UIMC1: variants seen among roughly 807,000 people sequenced by gnomAD.
UIMC1 encodes BRCA1-A complex subunit RAP80.
A neutral mutation model predicts 84.9 loss-of-function variants in UIMC1; 42 were observed. That is an observed-to-expected ratio of 0.49 (90% CI 0.39 to 0.64). The LOEUF (loss-of-function observed/expected upper bound fraction) is 0.64. UIMC1 is among the 30% of genes least tolerant of loss of function. The pLI, the probability that UIMC1 is intolerant of heterozygous loss-of-function variation, is 0.00. For missense variants in UIMC1, 825 were observed against 847.6 expected (o/e 0.97, Z 0.33); for synonymous variants, 281 against 293.0 (o/e 0.96, Z 0.42).
At chr5:176,972,772 C>A (rs1306150344) in intron 3 of UIMC1, among the ~76,000 whole-genome samples, 1 of 151,936 alleles carries the variant, frequency 6.6e-6, no homozygotes, top group Non-Finnish European at 1.5e-5. Flanking sequence ...AATGCATAAA[C>A]CTCTTAACTG....
At chr5:176,967,006 A>T (rs1768402917) in intron 6 of UIMC1, among the ~76,000 whole-genome samples, 1 of 152,234 alleles carries the variant, frequency 6.6e-6, no homozygotes, top group Non-Finnish European at 1.5e-5. Context: ...TTCATCTCTC[A>T]GACTGGCAAA....
intron 10 of UIMC1, among the ~76,000 whole-genome samples, chr5:176,914,224 T>C (rs1561721262): frequency 1.3e-5 from 2 of 152,152 alleles, no homozygotes; most frequent in Admixed American, 6.5e-5. Context: ...TGAACACTCC[T>C]ATTTGTTGAG....
At chr5:176,914,084 CACCAT>C (rs1429863349) in intron 10 of UIMC1, among the ~76,000 whole-genome samples, 11 of 149,832 alleles carry the variant, frequency 7.3e-5, no homozygotes, top group South Asian at 2.1e-4. Flanking sequence ...CACCACACCA[CACCAT>C]ACCATACCAT....
intron 10 of UIMC1, among the ~76,000 whole-genome samples, chr5:176,934,053 C>A (rs570592156): frequency 6.6e-6 from 1 of 152,194 alleles, no homozygotes; most frequent in South Asian, 2.1e-4. Flanking sequence ...GGACTGTAAA[C>A]TCTCTGAGTA....
chr5:176,937,292 G>A (rs975625337), intron 10 of UIMC1, among the ~76,000 whole-genome samples: 2 of 152,050 alleles, frequency 1.3e-5, no homozygotes, highest in Admixed American at 1.3e-4. Context: ...TCAGGAGATC[G>A]AGACCATCCT....
At chr5:176,936,929 G>A (rs1763778656) in intron 10 of UIMC1, among the ~76,000 whole-genome samples, 1 of 152,076 alleles carries the variant, frequency 6.6e-6, no homozygotes, top group Non-Finnish European at 1.5e-5. Context: ...TATATTTACT[G>A]TTTTCTTGTC....
chr5:176,968,525 A>C, intron 6 of UIMC1, 30 bp downstream of exon 6: 2 of 1,547,582 alleles, frequency 1.3e-6, no homozygotes, highest in Non-Finnish European at 8.7e-7. Flanking sequence ...TGAATAAATC[A>C]TCCTTAATTA....
chr5:177,020,030 A>C (rs1191095033), intron 1 of UIMC1, among the ~76,000 whole-genome samples: 3 of 152,210 alleles, frequency 2.0e-5, no homozygotes, highest in Non-Finnish European at 4.4e-5. Flanking sequence ...GCTGGTGCTC[A>C]ATATTTGTAG....
At chr5:176,991,849 G>A (rs897016891) in intron 1 of UIMC1, among the ~76,000 whole-genome samples, 5 of 151,906 alleles carry the variant, frequency 3.3e-5, no homozygotes, top group African/African-American at 9.7e-5. Flanking sequence ...GGAGAATGGC[G>A]TGAACCTGGG....
At chr5:176,906,329 C>T (rs906508081) in intron 13 of UIMC1, among the ~76,000 whole-genome samples, 12 of 152,178 alleles carry the variant, frequency 7.9e-5, no homozygotes, top group Non-Finnish European at 1.5e-4. Flanking sequence ...AAATCTGCCA[C>T]CTGCAGAGAT....
chr5:176,976,694 TA>T (rs1197047922), intron 2 of UIMC1, among the ~76,000 whole-genome samples: 3 of 152,248 alleles, frequency 2.0e-5, no homozygotes, highest in African/African-American at 7.2e-5. Flanking sequence ...ATATATTGTA[TA>T]ATTCCATTTA....
chr5:177,022,337 AC>A (rs1775896327), intron 1 of UIMC1: 1 of 185,924 alleles, frequency 5.4e-6, no homozygotes, highest in Non-Finnish European at 1.1e-5. Context: ...ACTACTACTT[AC>A]TAGTAGCGAG....
At chr5:176,998,331 G>T (rs1366818336) in intron 1 of UIMC1, among the ~76,000 whole-genome samples, 1 of 151,684 alleles carries the variant, frequency 6.6e-6, no homozygotes, top group Non-Finnish European at 1.5e-5. Flanking sequence ...GGGCATGGTG[G>T]CACATGTCTG....
At chr5:176,957,762 C>T (rs1239097338) in intron 7 of UIMC1, among the ~76,000 whole-genome samples, 1 of 152,146 alleles carries the variant, frequency 6.6e-6, no homozygotes, top group Non-Finnish European at 1.5e-5. Context: ...AGTCTAGAGC[C>T]TTCAAATTGG....
intron 10 of UIMC1, among the ~76,000 whole-genome samples, chr5:176,924,456 A>C (rs1037015872): frequency 1.3e-5 from 2 of 152,202 alleles, no homozygotes; most frequent in African/African-American, 4.8e-5. Flanking sequence ...GCATAAAGAC[A>C]AACAGATCAA....
At chr5:176,949,172 G>A (rs960198163) in intron 9 of UIMC1, among the ~76,000 whole-genome samples, 3 of 151,796 alleles carry the variant, frequency 2.0e-5, no homozygotes, top group South Asian at 2.1e-4. Context: ...ACAATGTGCA[G>A]GTTTGTTACA....
At chr5:176,905,921 CTGAG>C (rs1168866252) in intron 14 of UIMC1, 86 bp downstream of exon 14, 22 of 1,370,604 alleles carry the variant, frequency 1.6e-5, no homozygotes, top group Non-Finnish European at 2.2e-5. Context: ...CTGCAACAGT[CTGAG>C]TATCACACTA....
intron 3 of UIMC1, among the ~76,000 whole-genome samples, chr5:176,973,206 G>A (rs1769538489): frequency 6.6e-6 from 1 of 151,898 alleles, no homozygotes; most frequent in African/African-American, 2.4e-5. Context: ...ATGAGCCACT[G>A]GGCATGGCCA....
chr5:176,950,965 T>C (rs1031207272), intron 9 of UIMC1, among the ~76,000 whole-genome samples: 5 of 151,900 alleles, frequency 3.3e-5, no homozygotes, highest in African/African-American at 1.2e-4. Context: ...CTGCCAGATA[T>C]GTAAAGTGAG....
Sources: allele counts gnomAD v4.1 joint callset (sites outside exome capture counted in the v4.1 genomes callset), GRCh38; gene constraint gnomAD v4.1.1; transcripts MANE v1.5; gene names NCBI Gene and HGNC (gene_info 2026-07-23, HGNC 2026-07-21).